The following PHACTR1 variants were observed in gnomAD, a reference collection of about 807,000 sequenced individuals.
PHACTR1 encodes the protein RPEL repeat containing 1.
A neutral mutation model predicts 69.2 loss-of-function variants in PHACTR1; 16 were observed. That is an observed-to-expected ratio of 0.23 (90% CI 0.16 to 0.35). PHACTR1 has a LOEUF of 0.35. Among genes scored for constraint, PHACTR1 ranks in the 10% least tolerant of loss-of-function variants. PHACTR1 has a pLI of 1.00. For missense variants in PHACTR1, 510 were observed against 734.7 expected, an observed-to-expected ratio of 0.69 and a Z score of 3.54; for synonymous variants, 312 against 284.5, an observed-to-expected ratio of 1.10 and a Z score of -0.97.
chr6:13,190,041 TTA>T (rs1491361272), intron 7 of PHACTR1, among the ~76,000 whole-genome samples: 22 of 148,486 alleles, frequency 1.5e-4, no homozygotes, highest in African/African-American at 4.6e-4. Flanking sequence ...TTTTTTTTTT[TTA>T]AAACAGTTTC....
At chr6:13,046,990 T>C (rs755629662) in intron 4 of PHACTR1, among the ~76,000 whole-genome samples, 1 of 152,174 alleles carries the variant, frequency 6.6e-6, no homozygotes, top group Non-Finnish European at 1.5e-5. Context: ...TTCATTTATT[T>C]ATGATAAGGT....
intron 6 of PHACTR1, among the ~76,000 whole-genome samples, chr6:13,177,172 T>TA (rs530741132): frequency 0.016 from 1,034 of 63,312 alleles, 76 homozygotes; most frequent in Admixed American, 0.037. Flanking sequence ...ACCCCATCTC[T>TA]AAAAAAAAAA....
At chr6:12,790,829 C>T (rs1292456962) in intron 4 of PHACTR1, among the ~76,000 whole-genome samples, 1 of 152,142 alleles carries the variant, frequency 6.6e-6, no homozygotes, top group African/African-American at 2.4e-5. Context: ...AGGAAGAGAG[C>T]CTTGCTGGTT....
chr6:13,265,882 C>A (rs1484481321), intron 10 of PHACTR1, among the ~76,000 whole-genome samples: 1 of 152,130 alleles, frequency 6.6e-6, no homozygotes. Flanking sequence ...CGCCTCTTCC[C>A]ATTCTCTACT....
chr6:13,232,910 C>T (rs185437712), intron 10 of PHACTR1, among the ~76,000 whole-genome samples: 88 of 152,322 alleles, frequency 5.8e-4, no homozygotes, highest in Non-Finnish European at 1.3e-4. Flanking sequence ...TGCTACAGTA[C>T]AAGGAGAGCC....
At position 13,228,195 on chromosome 6, in the gene PHACTR1, G is replaced by A. The variant is rs1045163682; in HGVS notation, c.1234+132G>A. ...TGGTGTTGACTGGTCCTGGGTCGTAGGGCAGCTTAGTCTACCTGTTGGGGC... is the reference window on the plus strand; with the variant it reads ...TGGTGTTGACTGGTCCTGGGTCGTAAGGCAGCTTAGTCTACCTGTTGGGGC... On this transcript the variant is annotated intron_variant, in intron 9 of 14. Transcript: ENST00000332995. 5 of 1,175,374 alleles carry A rather than the reference G, an allele frequency of 4.3e-6. No homozygotes were observed. In the Admixed American group the frequency reaches 1.4e-4, roughly 32 times the overall value. 72.8% of individuals were successfully genotyped at this position (1,175,374 alleles called of 1,614,324 possible). A position where few individuals can be genotyped will look rare whatever the true frequency, so the allele number is the denominator to read the frequency against.
At chr6:12,963,262 G>A (rs1219183307) in intron 4 of PHACTR1, among the ~76,000 whole-genome samples, 1 of 152,146 alleles carries the variant, frequency 6.6e-6, no homozygotes, top group Non-Finnish European at 1.5e-5. Context: ...ATTTGCAGGC[G>A]CCCACAGATG....
chr6:13,082,172 C>A (rs538797168), intron 5 of PHACTR1, among the ~76,000 whole-genome samples: 84 of 152,228 alleles, frequency 5.5e-4, no homozygotes, highest in African/African-American at 2.0e-3. Flanking sequence ...CATCGCGATG[C>A]CTTCATCCTT....
At chr6:13,172,216 A>G (rs1760724299) in intron 6 of PHACTR1, among the ~76,000 whole-genome samples, 1 of 152,200 alleles carries the variant, frequency 6.6e-6, no homozygotes, top group South Asian at 2.1e-4. Flanking sequence ...GTTCATTTAT[A>G]TTCAATCTCT....
Position 12,788,031 on chromosome 6 carries a change from G to A in PHACTR1, c.250+38241G>A, listed in dbSNP as rs116757734. On this transcript the variant is annotated intron_variant, in intron 4 of 14. Transcript: ENST00000332995. Reference sequence around the variant, plus strand: ...AAATCAGCCAGGCGTTGGAGCACTCGCCTGTAGTCCCAGCTACTCGGTAGG... The same window carrying A: ...AAATCAGCCAGGCGTTGGAGCACTCACCTGTAGTCCCAGCTACTCGGTAGG... Among the ~76,000 whole-genome samples the A allele has an allele frequency of 7.2e-3, 1,088 of 152,146 alleles. 18 individuals carry two copies. The highest frequency in any genetic ancestry group is 0.025 in the African/African-American group (1,032 of 41,520).
chr6:12,931,903 G>A (rs942872180), intron 4 of PHACTR1, among the ~76,000 whole-genome samples: 2 of 151,888 alleles, frequency 1.3e-5, no homozygotes, highest in Non-Finnish European at 1.5e-5. Flanking sequence ...CACTCAGATA[G>A]TAAGAGTCTT....
chr6:12,880,515 C>G (rs1166281869), intron 4 of PHACTR1, among the ~76,000 whole-genome samples: 2 of 152,160 alleles, frequency 1.3e-5, no homozygotes, highest in African/African-American at 4.8e-5. Context: ...ATTGGCATCC[C>G]AAAATGCTGG....
intron 12 of PHACTR1, chr6:13,281,039 T>C (rs1291087773): frequency 7.8e-7 from 1 of 1,289,452 alleles, no homozygotes; most frequent in Non-Finnish European, 1.0e-6. Context: ...CTCTGAGCAC[T>C]TGTGCTCTAT....
intron 4 of PHACTR1, among the ~76,000 whole-genome samples, chr6:13,019,755 A>G (rs925094176): frequency 1.3e-5 from 2 of 152,230 alleles, no homozygotes; most frequent in African/African-American, 4.8e-5. Flanking sequence ...GAAAAAGGTA[A>G]TAGATAAAAT....
intron 4 of PHACTR1, among the ~76,000 whole-genome samples, chr6:12,964,375 G>A (rs900853026): frequency 1.3e-5 from 2 of 152,186 alleles, no homozygotes; most frequent in African/African-American, 4.8e-5. Flanking sequence ...GGCTAGAAAA[G>A]GCTTTAGAGA....
chr6:13,013,356 G>A (rs1328983576), intron 4 of PHACTR1, among the ~76,000 whole-genome samples: 1 of 152,258 alleles, frequency 6.6e-6, no homozygotes, highest in Non-Finnish European at 1.5e-5. Flanking sequence ...AAGGGCTACG[G>A]GTTGGACCCG....
intron 5 of PHACTR1, among the ~76,000 whole-genome samples, chr6:13,139,914 T>G (rs149830537): frequency 1.8e-4 from 27 of 152,320 alleles, no homozygotes; most frequent in African/African-American, 4.3e-4. Context: ...TTGCAGAGAA[T>G]TCAAAAGTCT....
At chr6:12,874,668 T>G (rs1782368480) in intron 4 of PHACTR1, among the ~76,000 whole-genome samples, 2 of 152,136 alleles carry the variant, frequency 1.3e-5, no homozygotes, top group Non-Finnish European at 2.9e-5. Flanking sequence ...CAAACACATT[T>G]CCAAATGTGG....
intron 5 of PHACTR1, among the ~76,000 whole-genome samples, chr6:13,146,241 A>C (rs1254383681): frequency 6.6e-6 from 1 of 152,238 alleles, no homozygotes; most frequent in Non-Finnish European, 1.5e-5. Context: ...CTAATACATA[A>C]TAAGTGTTAC....
Sources: allele counts gnomAD v4.1 joint callset (sites outside exome capture counted in the v4.1 genomes callset), GRCh38; gene constraint gnomAD v4.1.1; transcripts MANE v1.5; gene names NCBI Gene and HGNC (gene_info 2026-07-23, HGNC 2026-07-21).